Variants in TENM4 observed in about 807,000 individuals in gnomAD.
TENM4 encodes teneurin transmembrane protein 4.
A neutral mutation model predicts 243.3 loss-of-function variants in TENM4; 82 were observed. The observed-to-expected ratio is 0.34, with a 90% confidence interval of 0.28 to 0.40. TENM4 has a LOEUF of 0.40. Among genes scored for constraint, TENM4 ranks in the 10% least tolerant of loss-of-function variants. The pLI, the probability that TENM4 is intolerant of heterozygous loss-of-function variation, is 1.00. For synonymous variants in TENM4, 1,412 were observed against 1,456.3 expected (o/e 0.97, Z 0.69); for missense variants, 3,138 against 3,673.3 (o/e 0.85, Z 3.77).
chr11:79,075,386 C>T (rs1025719359), intron 4 of TENM4, among the ~76,000 whole-genome samples: 3 of 152,222 alleles, frequency 2.0e-5, no homozygotes, highest in African/African-American at 7.2e-5. Context: ...CTGGCCACCT[C>T]CTAGCTGTGT....
rs534505451 is a variant in TENM4 at position 78,764,948 on chromosome 11, G to A, written c.2539+6044C>T. On this transcript the variant is annotated intron_variant, in intron 18 of 33. Coordinates refer to ENST00000278550, the MANE Select transcript of TENM4 (RefSeq NM_001098816.3). ...AAAAGGAGAATGGGGGTGTGGGCGG[G>A]GGCAAGGTGGGGCAATCCGTGGCCT... Among the ~76,000 whole-genome samples, 259 of 152,250 alleles carry A rather than the reference G, an allele frequency of 1.7e-3. 2 individuals carry two copies. The highest frequency in any genetic ancestry group is 3.3e-3 in the Non-Finnish European group (222 of 68,030).
chr11:78,743,900 C>G (rs1855987551), intron 19 of TENM4, among the ~76,000 whole-genome samples: 1 of 152,184 alleles, frequency 6.6e-6, no homozygotes, highest in Admixed American at 6.5e-5. Context: ...CATTTGGGAT[C>G]TAGGTGGCAA....
rs572090157 is a variant in TENM4 at position 79,343,877 on chromosome 11, C to T, written c.-320-46334G>A. 2.0e-5 allele frequency among the ~76,000 whole-genome samples: 3 copies of T among 152,300 alleles called. No homozygotes were observed. The East Asian group carries it at 5.8e-4, about 29-fold the overall frequency. On this transcript the variant is annotated intron_variant, in intron 1 of 33. Transcript: ENST00000278550. The stretch of plus-strand genomic sequence containing the variant: ...AGGCTCATGCCTGGGTCTGCAGGAG[C>T]CTGGATCTGCAGGGGCTTGTGTCTG...
chr11:78,998,069 G>T (rs1471058293), intron 6 of TENM4, among the ~76,000 whole-genome samples: 1 of 152,194 alleles, frequency 6.6e-6, no homozygotes, highest in Non-Finnish European at 1.5e-5. Flanking sequence ...GGACTTCCCA[G>T]CTTCAAGAAA....
chr11:79,103,625 AAAAC>A (rs1861287492), intron 4 of TENM4, among the ~76,000 whole-genome samples: 1 of 152,272 alleles, frequency 6.6e-6, no homozygotes, highest in South Asian at 2.1e-4. Context: ...CTGAGACAAG[AAAAC>A]AAACAAAGCA....
At chr11:78,856,310 TCCTCCCCACCCTGGC>T in intron 10 of TENM4, 132 bp from the exon 11 acceptor site, 1 of 807,266 alleles carries the variant, frequency 1.2e-6, no homozygotes, top group Non-Finnish European at 1.9e-6. Context: ...GCTGTCAGCT[TCCTCCCCACCCTGGC>T]CCTCCCCACA....
rs1194836101 is a variant in TENM4, at chr11:78,653,740, C to A, written c.*4318G>T. ...TTGGCTGTTCGCCCTCAGAATAAAT[C>A]ACATTTTCTTGGGGACCAGGAGGTC... On this transcript the variant is annotated 3_prime_UTR_variant, in exon 34 of 34. Transcript: ENST00000278550. The A allele has an allele frequency of 6.6e-6, 1 of 152,264 alleles. No individual in the cohort carries two copies. Among genetic ancestry groups the A allele is most frequent in the Non-Finnish European group, 1.5e-5 (1 of 68,058 alleles). 9.4% of individuals were successfully genotyped at this position (152,264 alleles called of 1,614,324 possible).
intron 1 of TENM4, among the ~76,000 whole-genome samples, chr11:79,321,724 A>G (rs1434019137): frequency 3.3e-5 from 5 of 151,960 alleles, no homozygotes; most frequent in South Asian, 4.1e-4. Context: ...GCTTGTTGAC[A>G]TCTCAAAGCA....
chr11:79,136,933 G>T (rs1013746803), intron 4 of TENM4, among the ~76,000 whole-genome samples: 1 of 152,122 alleles, frequency 6.6e-6, no homozygotes, highest in Non-Finnish European at 1.5e-5. Flanking sequence ...ACAATACTTT[G>T]CAGGGCTGGG....
At chr11:79,283,388 A>C in intron 2 of TENM4, among the ~76,000 whole-genome samples, 1 of 152,192 alleles carries the variant, frequency 6.6e-6, no homozygotes, top group East Asian at 1.9e-4. Context: ...GGATTTATTA[A>C]GGAATTCAAG....
At chr11:78,949,963 C>T (rs951733064) in intron 6 of TENM4, among the ~76,000 whole-genome samples, 1 of 151,958 alleles carries the variant, frequency 6.6e-6, no homozygotes, top group East Asian at 1.9e-4. Flanking sequence ...TCTCTCTCTC[C>T]ATTATTCCAG....
At chr11:78,884,620 C>T (rs1057335692) in intron 9 of TENM4, among the ~76,000 whole-genome samples, 1 of 152,228 alleles carries the variant, frequency 6.6e-6, no homozygotes, top group Non-Finnish European at 1.5e-5. Flanking sequence ...AAATCATACT[C>T]ATCCCACAGA....
intron 6 of TENM4, among the ~76,000 whole-genome samples, chr11:78,977,420 A>G (rs1275803999): frequency 6.6e-6 from 1 of 152,238 alleles, no homozygotes; most frequent in African/African-American, 2.4e-5. Context: ...CTTACACTAT[A>G]AAAGTCCCCT....
chr11:78,935,632 G>A (rs1402282366), intron 6 of TENM4, among the ~76,000 whole-genome samples: 4 of 152,178 alleles, frequency 2.6e-5, no homozygotes, highest in Admixed American at 1.3e-4. Context: ...GGGCCACAGA[G>A]TAAGGAACAG....
At chr11:79,039,194 C>T (rs1361927492) in intron 6 of TENM4, among the ~76,000 whole-genome samples, 1 of 152,164 alleles carries the variant, frequency 6.6e-6, no homozygotes, top group African/African-American at 2.4e-5. Context: ...AGAAACAACC[C>T]TTAAGCCCTA....
At chr11:79,192,716 C>A (rs1863542282) in intron 3 of TENM4, among the ~76,000 whole-genome samples, 1 of 151,634 alleles carries the variant, frequency 6.6e-6, no homozygotes, top group Non-Finnish European at 1.5e-5. Context: ...CCAAATCCCC[C>A]TCTGTGAGAA....
At chr11:78,857,806 G>A (rs1858714523) in intron 10 of TENM4, among the ~76,000 whole-genome samples, 1 of 152,224 alleles carries the variant, frequency 6.6e-6, no homozygotes, top group African/African-American at 2.4e-5. Flanking sequence ...TGAGATGGAA[G>A]AGAATTATTT....
chr11:78,714,402 A>G (rs1312186012), intron 25 of TENM4, among the ~76,000 whole-genome samples: 2 of 139,464 alleles, frequency 1.4e-5, no homozygotes, highest in African/African-American at 6.2e-5. Context: ...CCAGGCATCC[A>G]GATCCAATGC....
intron 2 of TENM4, among the ~76,000 whole-genome samples, chr11:79,246,256 C>T (rs1056827319): frequency 6.6e-6 from 1 of 152,150 alleles, no homozygotes; most frequent in African/African-American, 2.4e-5. Context: ...TGGGATATGA[C>T]TTATTTCTCA....
Sources: allele counts gnomAD v4.1 joint callset (sites outside exome capture counted in the v4.1 genomes callset), GRCh38; gene constraint gnomAD v4.1.1; transcripts MANE v1.5; gene names NCBI Gene and HGNC (gene_info 2026-07-23, HGNC 2026-07-21).